CDHR2: variants seen among roughly 807,000 people sequenced by gnomAD.
The protein encoded by CDHR2 is cadherin-related family member 2.
CDHR2 carries 104 observed loss-of-function variants against 138.6 expected under a neutral mutation model. The observed-to-expected ratio is 0.75, with a 90% CI of 0.64 to 0.88. The LOEUF is 0.88. CDHR2 is among the 40% of genes least tolerant of loss of function. The pLI, the probability that CDHR2 is intolerant of heterozygous loss-of-function variation, is 0.00. For synonymous variants in CDHR2, 755 were observed against 742.8 expected (o/e 1.02, Z -0.27); for missense variants, 1,624 against 1,727.6 (o/e 0.94, Z 1.06).
chr5:176,578,332 T>C (rs1758449048), intron 15 of CDHR2, 33 bp from the exon 16 acceptor site: 1 of 1,588,734 alleles, frequency 6.3e-7, no homozygotes, highest in African/African-American at 1.3e-5. Context: ...GCATCCTGTG[T>C]CTCTATTTGC....
At position 176,576,321 on chromosome 5, in the gene CDHR2, G is replaced by A; in HGVS notation, c.1194+136G>A. On this transcript the variant is annotated intron_variant, in intron 12 of 31. Coordinates refer to ENST00000261944, the MANE Select transcript of CDHR2 (RefSeq NM_017675.6). This position sits in a 1 kb window ranked among gnomAD's most constrained non-coding sequence, Gnocchi z 4.5. ...TGTGATGGCGGAGAATGGGGGTGCTGGGTGCTCTCTGGAAGCCTGTGTTGG... is the reference window on the plus strand; with the variant it reads ...TGTGATGGCGGAGAATGGGGGTGCTAGGTGCTCTCTGGAAGCCTGTGTTGG... 1.4e-6 allele frequency: 1 copy of A among 707,838 alleles called. No individual in the cohort carries two copies. The highest frequency in any genetic ancestry group is 2.4e-5 in the Admixed American group (1 of 42,526). 43.8% of individuals were successfully genotyped at this position (707,838 alleles called of 1,614,324 possible).
intron 21 of CDHR2, among the ~76,000 whole-genome samples, chr5:176,588,401 A>G (rs1758724630): frequency 1.1e-5 from 1 of 93,272 alleles, no homozygotes; most frequent in Admixed American, 1.1e-4. Flanking sequence ...TGGTGAGTGC[A>G]TGAGAGAGTG....
Position 176,578,558 on chromosome 5 carries a change from T to C in CDHR2, c.1768T>C (p.Tyr590His), listed in dbSNP as rs752104970. 3 of 1,613,684 alleles carry C rather than the reference T, an allele frequency of 1.9e-6. No individual in the cohort carries two copies. ...NDNAPVVSGS[Y>H]NIFVQEEEGN... ...CAATGCACCCGTGGTTAGCGGCTCC[T>C]ACAACATCTTCGTCCAGGAGGAGGA... Residue 590 changes from tyrosine (Y) to histidine (H), a missense_variant, in exon 16 of 32, where the codon TAC (tyrosine) becomes CAC (histidine). This residue lies in a region of CDHR2 where 1,061 missense variants were observed against 1,136.6 expected (regional missense o/e 0.93). Coordinates refer to ENST00000261944, the MANE Select transcript of CDHR2 (RefSeq NM_017675.6).
intron 16 of CDHR2, among the ~76,000 whole-genome samples, chr5:176,579,419 C>T (rs931985464): frequency 2.0e-5 from 3 of 152,172 alleles, no homozygotes; most frequent in South Asian, 2.1e-4. Flanking sequence ...TAAATGATGG[C>T]GCTGGGGCTG....
intron 6 of CDHR2, among the ~76,000 whole-genome samples, 158 bp from the exon 7 acceptor site, chr5:176,573,925 C>A (rs552367817): frequency 1.2e-4 from 19 of 152,056 alleles, no homozygotes; most frequent in Non-Finnish European, 2.1e-4. Flanking sequence ...CGCCCCGCAC[C>A]CCCAGGTGCC....
upstream of CDHR2, among the ~76,000 whole-genome samples, chr5:176,549,001 C>T (rs1757646431): frequency 6.6e-6 from 1 of 152,184 alleles, no homozygotes; most frequent in Non-Finnish European, 1.5e-5. Flanking sequence ...CCACAGATCC[C>T]CTGTCACTGA....
At chr5:176,581,724 C>T (rs1758539604) in intron 17 of CDHR2, 142 bp downstream of exon 17, 4 of 1,067,464 alleles carry the variant, frequency 3.7e-6, no homozygotes, top group African/African-American at 1.6e-5. Flanking sequence ...CAGGCAATTA[C>T]TCAACCTCCC....
chr5:176,573,580 G>A (rs1384621248), intron 6 of CDHR2, among the ~76,000 whole-genome samples: 1 of 152,008 alleles, frequency 6.6e-6, no homozygotes, highest in East Asian at 1.9e-4. Context: ...CCAGGGGGCA[G>A]AGGTTACAGT....
intron 17 of CDHR2, 37 bp downstream of exon 17, chr5:176,581,619 T>A (rs775389422): frequency 5.7e-6 from 9 of 1,566,748 alleles, no homozygotes; most frequent in Admixed American, 1.8e-5. Context: ...CCTGGGGGCC[T>A]CCCAAGCCGA....
In CDHR2 at chr5:176,553,127, C is replaced by T. The variant is rs951032716; in HGVS notation, c.-16+3713C>T. 6.6e-5 allele frequency among the ~76,000 whole-genome samples: 10 copies of T among 152,002 alleles called. No homozygotes were observed. Among genetic ancestry groups the T allele is most frequent in the Admixed American group, 6.6e-5 (1 of 15,258 alleles). The stretch of plus-strand genomic sequence containing the variant: ...GAAGGGGCTGTAGGGGGAGGCGCCT[C>T]GGGGACTGGGTGAAGGTCCTGGTTC... On this transcript the variant is annotated intron_variant, in intron 1 of 31. Coordinates refer to ENST00000261944, the MANE Select transcript of CDHR2 (RefSeq NM_017675.6). The surrounding 1 kb of genome is among the most constrained non-coding windows in gnomAD (Gnocchi z 4.3).
upstream of CDHR2, among the ~76,000 whole-genome samples, chr5:176,546,223 T>C (rs1337986979): frequency 1.3e-5 from 2 of 152,156 alleles, no homozygotes; most frequent in South Asian, 2.1e-4. Flanking sequence ...GGGGCAAGAA[T>C]TGTTGCACAG....
Position 176,578,480 on chromosome 5 carries a change from G to T in CDHR2, c.1690G>T (p.Gly564Trp). ...CCTGACGCTGCAGGCCACAGACGGC[G>T]GGAACCTGTCCTCCTCCACCACACT... The part of the protein sequence containing the change: ...YYLTLQATDG[G>W]NLSSSTTLQI... Residue 564 changes from glycine to tryptophan, a missense_variant, in exon 16 of 32, where the codon GGG becomes TGG. Around this residue, in one of 3 missense-constraint regions of CDHR2, gnomAD observed 1,061 missense variants for 1,136.6 expected, o/e 0.93. Coordinates refer to ENST00000261944, the MANE Select transcript of CDHR2 (RefSeq NM_017675.6). The T allele has an allele frequency of 1.2e-6, 2 of 1,613,876 alleles. No individual in the cohort carries two copies. The highest frequency in any genetic ancestry group is 2.2e-5 in the South Asian group (2 of 91,040).
chr5:176,575,784 C>A lies in CDHR2; in HGVS notation c.905C>A (p.Ser302Tyr). 1 of 1,561,908 alleles carries A rather than the reference C, an allele frequency of 6.4e-7. No individual in the cohort carries two copies. The highest frequency in any genetic ancestry group is 8.7e-7 in the Non-Finnish European group (1 of 1,152,480). The change falls in exon 11 of 32, where the codon TCC becomes TAC. Residue 302 changes from serine to tyrosine, a missense_variant. Physicochemically the swap from Ser to Tyr is moderately radical, Grantham distance 144 (BLOSUM62 -2). Coordinates refer to ENST00000261944, the MANE Select transcript of CDHR2 (RefSeq NM_017675.6). ...GATGGGGTGATCAGGGTCAACGGCT[C>A]CCTGGACCGTGAGCAGCTGCTGGAG... ...GADGVIRVNGSLDREQLLEAD... is the reference protein window; with the variant it reads ...GADGVIRVNGYLDREQLLEAD...
At chr5:176,573,379 C>T (rs532046650) in intron 6 of CDHR2, among the ~76,000 whole-genome samples, 2 of 152,200 alleles carry the variant, frequency 1.3e-5, no homozygotes, top group African/African-American at 4.8e-5. Flanking sequence ...GTGGCTCACA[C>T]CTATAATCCT....
chr5:176,565,127 G>A (rs1193176883), intron 1 of CDHR2, among the ~76,000 whole-genome samples: 1 of 152,188 alleles, frequency 6.6e-6, no homozygotes, highest in Non-Finnish European at 1.5e-5. Context: ...TTCAGGTTCA[G>A]ACATCGTGGT....
rs1488989332 is a variant in CDHR2, at chr5:176,591,192, T to C, written c.3540-18T>C. ...AGGTGTGCAGCAACAGTGTGACCCCTCTTCCGGTTCCCCACAGCTACAACC... is the reference window on the plus strand; with the variant it reads ...AGGTGTGCAGCAACAGTGTGACCCCCCTTCCGGTTCCCCACAGCTACAACC... On this transcript the variant is annotated intron_variant, in intron 28 of 31. Transcript: ENST00000261944. The C allele has an allele frequency of 2.5e-6, 4 of 1,572,836 alleles. No individual in the cohort carries two copies. Among genetic ancestry groups the C allele is most frequent in the Non-Finnish European group, 3.5e-6 (4 of 1,143,176 alleles).
chr5:176,593,954 T>G (rs1361200119), intron 31 of CDHR2, among the ~76,000 whole-genome samples: 1 of 152,016 alleles, frequency 6.6e-6, no homozygotes, highest in Non-Finnish European at 1.5e-5. Context: ...TAGGAGATGG[T>G]TAGTGGCCAA....
chr5:176,549,210 C>T (rs761267972), upstream of CDHR2, among the ~76,000 whole-genome samples: 4 of 152,196 alleles, frequency 2.6e-5, no homozygotes, highest in South Asian at 2.1e-4. Flanking sequence ...TCCTCCTGTC[C>T]GGCGCCCCCA....
At position 176,575,405 on chromosome 5, in the gene CDHR2, T is replaced by A; in HGVS notation, c.747T>A (p.Ser249=). The A allele has an allele frequency of 6.2e-7, 1 of 1,614,220 alleles. No individual in the cohort carries two copies. The highest frequency in any genetic ancestry group is 1.1e-5 in the South Asian group (1 of 91,082). ...TTGTCAGGGAGTTTTACTCGGCCTC[T>A]GTGGCTGAGGATGCAGCCAAGGTGC... The part of the protein sequence containing the change: ...PQFVREFYSA[S]VAEDAAKGTS... Residue 249 remains serine, a synonymous_variant, in exon 9 of 32, where the codon TCT becomes TCA. Coordinates refer to ENST00000261944, the MANE Select transcript of CDHR2 (RefSeq NM_017675.6).
Sources: gnomAD v4.1 joint callset for allele counts (sites outside exome capture counted in the v4.1 genomes callset) on GRCh38, gnomAD v4.1.1 for gene constraint, gnomAD v4.1.1 regional missense constraint, Gnocchi (gnomAD v3.1) non-coding constraint, MANE v1.5 for transcripts, NCBI Gene and HGNC (gene_info 2026-07-23, HGNC 2026-07-21) for gene names.